Variants in PPARA observed in about 807,000 individuals in gnomAD.
PPARA encodes the protein peroxisome proliferator activated receptor alpha.
PPARA carries 22 observed loss-of-function variants against 42.2 expected under a neutral mutation model. The ratio of observed to expected loss-of-function variants is 0.52; its 90% confidence interval spans 0.37 to 0.74. The LOEUF (loss-of-function observed/expected upper bound fraction) is 0.74, where lower values mean the gene tolerates loss of function less well. PPARA is among the 30% of genes least tolerant of loss of function. The pLI is 0.00. For synonymous variants in PPARA, 242 were observed against 239.3 expected (o/e 1.01, Z -0.10); for missense variants, 465 against 608.2 (o/e 0.76, Z 2.48).
intron 4 of PPARA, among the ~76,000 whole-genome samples, chr22:46,214,099 A>G (rs1388555915): frequency 6.6e-6 from 1 of 152,192 alleles, no homozygotes; most frequent in African/African-American, 2.4e-5. Flanking sequence ...AGATTTTTAT[A>G]CTGTATTCTG....
chr22:46,200,077 TA>T lies in PPARA; in HGVS notation c.208+1487del, dbSNP rs1251611270. ...AGTACATCACTGGTGGAAACAGACA[TA>T]CACCTATTGCAAAGGGCATCTCAGC... On this transcript the variant is annotated intron_variant, in intron 4 of 8. Transcript: ENST00000407236. This position sits in a 1 kb window ranked among gnomAD's most constrained non-coding sequence, Gnocchi z 4.8. 6.6e-6 allele frequency among the ~76,000 whole-genome samples: 1 copy of T among 152,164 alleles called. No homozygotes were observed. Among genetic ancestry groups the T allele is most frequent in the Admixed American group, 6.5e-5 (1 of 15,276 alleles).
Position 46,195,469 on chromosome 22 carries a change from C to CTT in PPARA, c.-42-2872_-42-2871dup, listed in dbSNP as rs66856845. Among the ~76,000 whole-genome samples, 37,971 of 151,984 alleles carry CTT rather than the reference C, an allele frequency of 0.25. 5,415 individuals are homozygous for CTT. The highest frequency in any genetic ancestry group is 0.39 in the African/African-American group (16,135 of 41,422). Reference sequence around the variant, plus strand: ...AACCCTATGAAAGGTTAACAGTTCTCTTATTTTTCCCTGTGTGCTATTTGA... The same window carrying CTT: ...AACCCTATGAAAGGTTAACAGTTCTCTTTTATTTTTCCCTGTGTGCTATTTGA... On this transcript the variant is annotated intron_variant, in intron 3 of 8. Coordinates refer to ENST00000407236, the MANE Select transcript of PPARA (RefSeq NM_005036.6). The surrounding 1 kb of genome is among the most constrained non-coding windows in gnomAD (Gnocchi z 4.6).
chr22:46,226,861 AAAAAAAGAAAACAG>A (rs1434798702), intron 7 of PPARA, among the ~76,000 whole-genome samples: 1 of 152,104 alleles, frequency 6.6e-6, no homozygotes, highest in Non-Finnish European at 1.5e-5. Context: ...ACCCCGTCTC[AAAAAAAGAAAACAG>A]AAAAAAGAAA....
At position 46,167,761 on chromosome 22, in the gene PPARA, G is replaced by GGCCA. The variant is rs1337578891; in HGVS notation, c.-126-8990_-126-8987dup. ...AACATGATTTAAAAAGCATTAACTA[G>GGCCA]GCCAGGTATGCTGGCTTACACCTGT... On this transcript the variant is annotated intron_variant, in intron 2 of 8. Transcript: ENST00000407236. The surrounding 1 kb of genome is among the most constrained non-coding windows in gnomAD (Gnocchi z 4.1). Among the ~76,000 whole-genome samples, 1 of 152,172 alleles carries GGCCA rather than the reference G, an allele frequency of 6.6e-6. No homozygotes were observed. The highest frequency in any genetic ancestry group is 2.4e-5 in the African/African-American group (1 of 41,430).
rs1231804615 is a variant in PPARA, at chr22:46,192,695, G to T, written c.-42-5647G>T. On this transcript the variant is annotated intron_variant, in intron 3 of 8. Coordinates refer to ENST00000407236, the MANE Select transcript of PPARA (RefSeq NM_005036.6). The surrounding 1 kb of genome is among the most constrained non-coding windows in gnomAD (Gnocchi z 4.3). ...CTGCACTCTTGTTTGTTGCAACACT[G>T]TTTACAATAGCTAAGATTTGGAAGC... Among the ~76,000 whole-genome samples, 1 of 152,170 alleles carries T rather than the reference G, an allele frequency of 6.6e-6. No homozygotes were observed. Among genetic ancestry groups the T allele is most frequent in the Non-Finnish European group, 1.5e-5 (1 of 68,026 alleles).
At chr22:46,199,923 G>A (rs1164879107) in intron 4 of PPARA, among the ~76,000 whole-genome samples, 16 of 151,972 alleles carry the variant, frequency 1.1e-4, no homozygotes, top group Middle Eastern at 3.4e-3. Flanking sequence ...GGGTTTCACC[G>A]TGTTGGCCAG....
At chr22:46,205,619 T>C (rs1428628953) in intron 4 of PPARA, among the ~76,000 whole-genome samples, 1 of 125,436 alleles carries the variant, frequency 8.0e-6, no homozygotes, top group East Asian at 2.7e-4. Flanking sequence ...CAGGCTGGAG[T>C]GCAGTGGTGC....
chr22:46,152,767 C>G (rs1325620693), intron 2 of PPARA, among the ~76,000 whole-genome samples: 1 of 152,158 alleles, frequency 6.6e-6, no homozygotes, highest in Non-Finnish European at 1.5e-5. Flanking sequence ...CTGATGATGA[C>G]CTCTGCAACT....
At chr22:46,205,791 G>C (rs961894511) in intron 4 of PPARA, among the ~76,000 whole-genome samples, 27 of 151,304 alleles carry the variant, frequency 1.8e-4, no homozygotes, top group African/African-American at 6.1e-4. Flanking sequence ...AAACATTCAG[G>C]CTTGTTATAT....
At chr22:46,181,148 C>T (rs535408733) in intron 3 of PPARA, among the ~76,000 whole-genome samples, 11 of 152,232 alleles carry the variant, frequency 7.2e-5, no homozygotes, top group Admixed American at 2.0e-4. Flanking sequence ...ACGAGAGTGG[C>T]TCACTAAGTT....
At chr22:46,226,030 TACAC>T (rs1021319217) in intron 7 of PPARA, among the ~76,000 whole-genome samples, 4 of 151,226 alleles carry the variant, frequency 2.6e-5, no homozygotes, top group Non-Finnish European at 4.4e-5. Context: ...CACAGATGCA[TACAC>T]ACACACACTT....
rs959526361 is a variant in PPARA at position 46,171,948 on chromosome 22, G to A, written c.-126-4805G>A. On this transcript the variant is annotated intron_variant, in intron 2 of 8. Transcript: ENST00000407236. The surrounding 1 kb of genome is among the most constrained non-coding windows in gnomAD (Gnocchi z 5.0). ...TATAGGTGGTTCTGAGGTTTGCAGAGGGGCCTGAAGGGGTGGGGCCCGGCC... is the reference window on the plus strand; with the variant it reads ...TATAGGTGGTTCTGAGGTTTGCAGAAGGGCCTGAAGGGGTGGGGCCCGGCC... Among the ~76,000 whole-genome samples, 1 of 152,154 alleles carries A rather than the reference G, an allele frequency of 6.6e-6. No individual in the cohort carries two copies. The highest frequency in any genetic ancestry group is 1.5e-5 in the Non-Finnish European group (1 of 68,020).
intron 3 of PPARA, among the ~76,000 whole-genome samples, chr22:46,194,045 G>T (rs1931899263): frequency 6.6e-6 from 1 of 152,230 alleles, no homozygotes; most frequent in African/African-American, 2.4e-5. Flanking sequence ...CGCCAGTGAT[G>T]TGGGGGGAGC....
rs1053889727 is a variant in PPARA, at chr22:46,190,622, C to A, written c.-42-7720C>A. ...AAAAATTAGCTGGGGGTGGTGGCAG[C>A]GCCTGTAGTCCAAACCACTTGGGAG... On this transcript the variant is annotated intron_variant, in intron 3 of 8. Transcript: ENST00000407236. The surrounding 1 kb of genome is among the most constrained non-coding windows in gnomAD (Gnocchi z 5.6). 3.9e-5 allele frequency among the ~76,000 whole-genome samples: 6 copies of A among 152,026 alleles called. No homozygotes were observed. The highest frequency in any genetic ancestry group is 1.5e-4 in the African/African-American group (6 of 41,378).
rs1238286126 is a variant in PPARA, at chr22:46,233,565, A to C, written c.1159+1326A>C. On this transcript the variant is annotated intron_variant, in intron 8 of 8. Transcript: ENST00000407236. The surrounding 1 kb of genome is among the most constrained non-coding windows in gnomAD (Gnocchi z 7.3). ...GGCTGGGCACAAGTCAGATGAAGGA[A>C]GTCCTTGCGCTCTGGCATAAAGTGT... 6.6e-6 allele frequency among the ~76,000 whole-genome samples: 1 copy of C among 152,234 alleles called. No individual in the cohort carries two copies. The highest frequency in any genetic ancestry group is 6.5e-5 in the Admixed American group (1 of 15,282).
intron 3 of PPARA, among the ~76,000 whole-genome samples, chr22:46,185,947 AT>A: frequency 1.5e-5 from 1 of 65,340 alleles, no homozygotes; most frequent in African/African-American, 4.7e-5. Context: ...ATATATATAT[AT>A]ATATATATAT....
chr22:46,219,681 T>C lies in PPARA; in HGVS notation c.509-131T>C. 2.3e-6 allele frequency: 2 copies of C among 864,908 alleles called. No homozygotes were observed. The highest frequency in any genetic ancestry group is 1.4e-5 in the South Asian group (1 of 71,138). The allele number at this position is 864,908 out of a possible 1,614,324, so 53.6% of individuals were successfully genotyped here. On this transcript the variant is annotated intron_variant, in intron 6 of 8. Coordinates refer to ENST00000407236, the MANE Select transcript of PPARA (RefSeq NM_005036.6). This position sits in a 1 kb window ranked among gnomAD's most constrained non-coding sequence, Gnocchi z 4.8. ...TCCATAGTGGAAAGCCGAATAGTAATGAAGGATGGGTCTGAACTGCCTGTG... is the reference window on the plus strand; with the variant it reads ...TCCATAGTGGAAAGCCGAATAGTAACGAAGGATGGGTCTGAACTGCCTGTG...
At position 46,190,963 on chromosome 22, in the gene PPARA, G is replaced by C. The variant is rs1931458049; in HGVS notation, c.-42-7379G>C. 6.6e-6 allele frequency among the ~76,000 whole-genome samples: 1 copy of C among 152,162 alleles called. No homozygotes were observed. Among genetic ancestry groups the C allele is most frequent in the African/African-American group, 2.4e-5 (1 of 41,438 alleles). ...CCCAGCACTTTGGGAGGCCGAGGTG[G>C]GCGGATTACCTGAGGTCAGGTGTTC... On this transcript the variant is annotated intron_variant, in intron 3 of 8. Coordinates refer to ENST00000407236, the MANE Select transcript of PPARA (RefSeq NM_005036.6). This position sits in a 1 kb window ranked among gnomAD's most constrained non-coding sequence, Gnocchi z 5.6.
At position 46,221,434 on chromosome 22, in the gene PPARA, C is replaced by T. The variant is rs1290402987; in HGVS notation, c.711+1420C>T. ...CCTTTCTCCTAAAACTACTCCCTCC[C>T]TCTCAGACAAACATGCCTACATTCT... On this transcript the variant is annotated intron_variant, in intron 7 of 8. Coordinates refer to ENST00000407236, the MANE Select transcript of PPARA (RefSeq NM_005036.6). The surrounding 1 kb of genome is among the most constrained non-coding windows in gnomAD (Gnocchi z 5.9). Among the ~76,000 whole-genome samples, 4 of 152,224 alleles carry T rather than the reference C, an allele frequency of 2.6e-5. No homozygotes were observed. Among genetic ancestry groups the T allele is most frequent in the Non-Finnish European group, 4.4e-5 (3 of 68,036 alleles).
Sources: allele counts gnomAD v4.1 joint callset (sites outside exome capture counted in the v4.1 genomes callset), GRCh38; gene constraint gnomAD v4.1.1; non-coding constraint Gnocchi (gnomAD v3.1); transcripts MANE v1.5; gene names NCBI Gene and HGNC (gene_info 2026-07-23, HGNC 2026-07-21).